HERC1: variants seen among roughly 807,000 people sequenced by gnomAD.
HERC1 encodes HECT and RLD domain containing E3 ubiquitin protein ligase family member 1.
HERC1 carries 160 observed loss-of-function variants against 554.3 expected under a neutral mutation model. The ratio of observed to expected loss-of-function variants is 0.29; its 90% CI spans 0.25 to 0.33. HERC1 has a LOEUF of 0.33. Among genes scored for constraint, HERC1 ranks in the 10% least tolerant of loss-of-function variants. HERC1 has a pLI of 1.00. For missense variants in HERC1, 4,919 were observed against 5,918.5 expected, an observed-to-expected ratio of 0.83 and a Z score of 5.54; for synonymous variants, 2,175 against 2,131.7, an observed-to-expected ratio of 1.02 and a Z score of -0.56.
At position 63,734,967 on chromosome 15, in the gene HERC1, T is replaced by G. The variant is rs2074436886; in HGVS notation, c.2521-118A>C. ...TGTAAGTCTAAAAAAGATGGCATGA[T>G]AAAAAAGAAAGCATGCAAGTCCTCC... On this transcript the variant is annotated intron_variant, in intron 12 of 77. Coordinates refer to ENST00000443617, the MANE Select transcript of HERC1 (RefSeq NM_003922.4). The surrounding 1 kb of genome is among the most constrained non-coding windows in gnomAD (Gnocchi z 4.6). The G allele has an allele frequency of 8.2e-5, 70 of 851,582 alleles. No individual in the cohort carries two copies. In the South Asian group the frequency reaches 1.3e-3, roughly 16 times the overall value. 52.8% of individuals were successfully genotyped at this position (851,582 alleles called of 1,614,324 possible).
At chr15:63,661,655 GTTAAATGT>G in intron 45 of HERC1, 90 bp downstream of exon 45, 1 of 1,278,900 alleles carries the variant, frequency 7.8e-7, no homozygotes. Flanking sequence ...TTCAGGGAAG[GTTAAATGT>G]AACTCCTCAC....
chr15:63,731,974 C>T (rs768560076), intron 14 of HERC1, among the ~76,000 whole-genome samples: 8 of 151,928 alleles, frequency 5.3e-5, no homozygotes, highest in Admixed American at 3.3e-4. Context: ...GTGTGTGAGC[C>T]GATGATAAAG....
chr15:63,643,506 C>G lies in HERC1; in HGVS notation c.11229G>C (p.Leu3743=). ...KSSGAKCVYQ[L]RGHITPVRTV... ...TCCGAACAGGAGTGATGTGTCCCCG[C>G]AGCTGATAAACACACTTGGCTCCTG... Residue 3743 remains leucine (L), a synonymous_variant, in exon 58 of 78, where the codon CTG becomes CTC. Transcript: ENST00000443617. The G allele has an allele frequency of 6.2e-7, 1 of 1,609,746 alleles. No individual in the cohort carries two copies. Among genetic ancestry groups the G allele is most frequent in the Non-Finnish European group, 8.5e-7 (1 of 1,177,600 alleles).
At chr15:63,777,553 G>A (rs184566539) in intron 1 of HERC1, among the ~76,000 whole-genome samples, 34 of 152,210 alleles carry the variant, frequency 2.2e-4, no homozygotes, top group Admixed American at 1.9e-3. Flanking sequence ...TTGGTCATCT[G>A]GATATGCTCT....
chr15:63,818,082 T>C (rs982719732), intron 1 of HERC1, among the ~76,000 whole-genome samples: 35 of 152,116 alleles, frequency 2.3e-4, no homozygotes, highest in African/African-American at 8.2e-4. Flanking sequence ...CTCTCCTATA[T>C]AATAATTACT....
chr15:63,717,122 C>G (rs2073590688), intron 21 of HERC1, among the ~76,000 whole-genome samples: 1 of 152,088 alleles, frequency 6.6e-6, no homozygotes, highest in Non-Finnish European at 1.5e-5. Flanking sequence ...ATCATCAGAT[C>G]CATCATAAAA....
chr15:63,712,984 T>C, intron 23 of HERC1, 89 bp from the exon 24 acceptor site: 1 of 1,230,486 alleles, frequency 8.1e-7, no homozygotes, highest in Non-Finnish European at 1.1e-6. Context: ...AGAGATAATA[T>C]ACACACACAG....
intron 77 of HERC1, among the ~76,000 whole-genome samples, chr15:63,611,963 T>C (rs950471229): frequency 2.6e-5 from 4 of 152,128 alleles, no homozygotes; most frequent in African/African-American, 9.7e-5. Context: ...CGTGACCAGA[T>C]CACCTGAGGT....
rs2071102991 is a variant in HERC1, at chr15:63,674,601, A to G, written c.7587T>C (p.Ala2529=). The change falls in exon 38 of 78, where the codon GCT becomes GCC. Residue 2529 remains alanine (A), a synonymous_variant. Transcript: ENST00000443617. The part of the protein sequence containing the change: ...LSALLGCSKY[A]ELLLIPKVLA... ...GAACTTTTGGTATCAGCAACAGCTC[A>G]GCATATTTACTACAGCCAAGAAGGG... 5 of 1,612,850 alleles carry G rather than the reference A, an allele frequency of 3.1e-6. No homozygotes were observed. Among genetic ancestry groups the G allele is most frequent in the Non-Finnish European group, 4.2e-6 (5 of 1,179,396 alleles).
chr15:63,731,691 A>G lies in HERC1; in HGVS notation c.2868+1233T>C, dbSNP rs370178810. 5.9e-5 allele frequency among the ~76,000 whole-genome samples: 9 copies of G among 152,330 alleles called. No homozygotes were observed. The South Asian group carries it at 8.3e-4, about 14-fold the overall frequency. On this transcript the variant is annotated intron_variant, in intron 14 of 77. Coordinates refer to ENST00000443617, the MANE Select transcript of HERC1 (RefSeq NM_003922.4). ...GAGCACTAAGACTTGTATTGGAAGA[A>G]AAAGAGTACGTAGACCAGACCCTGA...
chr15:63,786,797 T>C (rs193000389), intron 1 of HERC1, among the ~76,000 whole-genome samples: 4 of 152,338 alleles, frequency 2.6e-5, no homozygotes, highest in Admixed American at 2.6e-4. Flanking sequence ...TTTGGAATTA[T>C]GAAAATGTTT....
chr15:63,644,498 TG>T (rs1224146720), intron 57 of HERC1, among the ~76,000 whole-genome samples: 1 of 151,818 alleles, frequency 6.6e-6, no homozygotes, highest in African/African-American at 2.4e-5. Flanking sequence ...TAAGCTTCTT[TG>T]TTTTTTTTTT....
At chr15:63,819,920 A>C (rs1401788101) in intron 1 of HERC1, among the ~76,000 whole-genome samples, 1 of 152,216 alleles carries the variant, frequency 6.6e-6, no homozygotes, top group East Asian at 1.9e-4. Flanking sequence ...TCTGCAAATA[A>C]GGTTTTACCC....
At chr15:63,629,873 G>A (rs1460821430) in intron 69 of HERC1, among the ~76,000 whole-genome samples, 1 of 152,122 alleles carries the variant, frequency 6.6e-6, no homozygotes, top group Non-Finnish European at 1.5e-5. Flanking sequence ...TAGCATCTCA[G>A]ACATCTCACA....
chr15:63,743,657 CTTGA>C (rs1450496088), intron 12 of HERC1, among the ~76,000 whole-genome samples: 1 of 152,178 alleles, frequency 6.6e-6, no homozygotes, highest in Non-Finnish European at 1.5e-5. Context: ...AGAATTTCTA[CTTGA>C]TTCTTTCAAA....
At chr15:63,826,803 AAAAAAAAAAAAATATATATATAT>A (rs1207675845) in intron 1 of HERC1, among the ~76,000 whole-genome samples, 9 of 73,666 alleles carry the variant, frequency 1.2e-4, no homozygotes, top group Non-Finnish European at 1.8e-4. Flanking sequence ...AAAAAAAAAA[AAAAAAAAAAAAATATATATATAT>A]ATATATATAT....
intron 1 of HERC1, among the ~76,000 whole-genome samples, chr15:63,804,964 G>C (rs976426322): frequency 6.6e-6 from 1 of 152,170 alleles, no homozygotes; most frequent in African/African-American, 2.4e-5. Flanking sequence ...GTCACCACCA[G>C]TGTGTAGAAC....
At chr15:63,613,057 T>A (rs1472564418) in intron 76 of HERC1, among the ~76,000 whole-genome samples, 1 of 152,198 alleles carries the variant, frequency 6.6e-6, no homozygotes, top group Non-Finnish European at 1.5e-5. Flanking sequence ...AAAAAAAATC[T>A]GAAAAGTACA....
chr15:63,719,636 T>A (rs1050092138), intron 19 of HERC1, among the ~76,000 whole-genome samples: 2 of 152,192 alleles, frequency 1.3e-5, no homozygotes, highest in Non-Finnish European at 2.9e-5. Flanking sequence ...GTAATTCAAG[T>A]GAGAAATGAT....
Sources: allele counts gnomAD v4.1 joint callset (sites outside exome capture counted in the v4.1 genomes callset), GRCh38; gene constraint gnomAD v4.1.1; non-coding constraint Gnocchi (gnomAD v3.1); transcripts MANE v1.5; gene names NCBI Gene and HGNC (gene_info 2026-07-23, HGNC 2026-07-21).